Variants in EYS observed in about 807,000 individuals in gnomAD.
EYS encodes the protein protein eyes shut homolog.
EYS carries 250 observed loss-of-function variants against 282.1 expected under a neutral mutation model. That is an observed-to-expected ratio of 0.89 (90% CI 0.80 to 0.98). The LOEUF (loss-of-function observed/expected upper bound fraction) is 0.98, where lower values mean the gene tolerates loss of function less well. Among genes scored for constraint, EYS ranks in the 50% least tolerant of loss-of-function variants. The pLI, the probability that EYS is intolerant of heterozygous loss-of-function variation, is 0.00. For synonymous variants in EYS, 1,355 were observed against 1,282.9 expected (o/e 1.06, Z -1.20); for missense variants, 4,016 against 3,709.0 (o/e 1.08, Z -2.15).
intron 26 of EYS, among the ~76,000 whole-genome samples, chr6:64,537,274 T>C (rs1031194817): frequency 8.0e-5 from 12 of 149,770 alleles, no homozygotes; most frequent in Non-Finnish European, 1.2e-4. Context: ...TTTTTGTTCT[T>C]GTGATAGTTT....
chr6:65,419,711 A>G (rs892452096), intron 5 of EYS, among the ~76,000 whole-genome samples: 5 of 151,976 alleles, frequency 3.3e-5, no homozygotes, highest in African/African-American at 1.2e-4. Context: ...AATATAAAAC[A>G]TTATTAACAT....
At chr6:64,451,587 G>A (rs1267403465) in intron 26 of EYS, among the ~76,000 whole-genome samples, 2 of 152,100 alleles carry the variant, frequency 1.3e-5, no homozygotes, top group Non-Finnish European at 2.9e-5. Context: ...TATCCTTGAC[G>A]AACATTGATG....
intron 26 of EYS, among the ~76,000 whole-genome samples, chr6:64,513,763 G>A (rs539638145): frequency 6.6e-6 from 1 of 151,896 alleles, no homozygotes; most frequent in South Asian, 2.1e-4. Context: ...AAATTTTGGT[G>A]TGCCTGGACT....
At chr6:65,229,689 G>T (rs1221547476) in intron 12 of EYS, among the ~76,000 whole-genome samples, 1 of 151,878 alleles carries the variant, frequency 6.6e-6, no homozygotes, top group Admixed American at 6.6e-5. Flanking sequence ...GAGCTGGGTG[G>T]CAAGTTGCAG....
chr6:64,268,780 G>C (rs1213206450), intron 30 of EYS, among the ~76,000 whole-genome samples: 3 of 152,040 alleles, frequency 2.0e-5, no homozygotes, highest in South Asian at 4.1e-4. Context: ...AGTATGGGAG[G>C]GGGCAGTGTT....
intron 22 of EYS, among the ~76,000 whole-genome samples, chr6:64,661,413 T>C (rs1363496256): frequency 6.6e-6 from 1 of 152,148 alleles, no homozygotes; most frequent in Non-Finnish European, 1.5e-5. Flanking sequence ...AAAAAGCTTC[T>C]GCACAGCAAA....
intron 42 of EYS, among the ~76,000 whole-genome samples, chr6:63,724,558 T>C (rs982658880): frequency 6.6e-6 from 1 of 152,188 alleles, no homozygotes; most frequent in Non-Finnish European, 1.5e-5. Context: ...TAACAAAATG[T>C]TGATAATTTT....
intron 40 of EYS, among the ~76,000 whole-genome samples, chr6:63,771,766 G>A (rs1769930648): frequency 6.6e-6 from 1 of 151,926 alleles, no homozygotes; most frequent in Non-Finnish European, 1.5e-5. Flanking sequence ...TTATTTTCCA[G>A]CTACTTAAAT....
At chr6:65,134,064 A>G (rs1207990213) in intron 12 of EYS, among the ~76,000 whole-genome samples, 2 of 152,156 alleles carry the variant, frequency 1.3e-5, no homozygotes, top group Non-Finnish European at 2.9e-5. Context: ...ATGAGATACC[A>G]TCATATTACA....
At chr6:63,799,303 C>T (rs1342921220) in intron 37 of EYS, among the ~76,000 whole-genome samples, 12 of 151,734 alleles carry the variant, frequency 7.9e-5, no homozygotes, top group Admixed American at 5.3e-4. Context: ...CATGAGCCAC[C>T]GTGCCCGGCT....
chr6:63,733,443 C>CT (rs949745094), intron 41 of EYS, among the ~76,000 whole-genome samples: 1 of 152,060 alleles, frequency 6.6e-6, no homozygotes, highest in African/African-American at 2.4e-5. Flanking sequence ...CCCTCCCTCC[C>CT]TACCCCCTCT....
At chr6:65,457,078 C>T (rs9345637) in intron 5 of EYS, among the ~76,000 whole-genome samples, 28,166 of 152,076 alleles carry the variant, frequency 0.19, 3,256 homozygotes, top group Middle Eastern at 0.3. Flanking sequence ...TGCCATGTGT[C>T]ACTTAAAGAT....
chr6:63,938,137 A>C (rs957966125), intron 35 of EYS, among the ~76,000 whole-genome samples: 2 of 152,228 alleles, frequency 1.3e-5, no homozygotes, highest in African/African-American at 4.8e-5. Context: ...ACAGATGAAG[A>C]TGAGACTTCG....
intron 10 of EYS, among the ~76,000 whole-genome samples, chr6:65,342,198 A>C (rs2150318461): frequency 6.6e-6 from 1 of 150,926 alleles, no homozygotes; most frequent in Admixed American, 6.6e-5. Flanking sequence ...GGACTCATGT[A>C]ATTTTTAAAT....
At chr6:64,704,509 A>AATTATAATATAATACTTATAATT (rs1770917223) in intron 22 of EYS, among the ~76,000 whole-genome samples, 1 of 67,554 alleles carries the variant, frequency 1.5e-5, no homozygotes, top group Admixed American at 1.5e-4. Flanking sequence ...TACTTATAAT[A>AATTATAATATAATACTTATAATT]ATATTATAAT....
chr6:65,317,006 C>T (rs1289029340), intron 11 of EYS, among the ~76,000 whole-genome samples: 2 of 152,016 alleles, frequency 1.3e-5, no homozygotes, highest in African/African-American at 2.4e-5. Flanking sequence ...GTGTGGATTT[C>T]AATTTGAAAA....
At chr6:65,127,907 G>A (rs924098838) in intron 12 of EYS, among the ~76,000 whole-genome samples, 1 of 151,946 alleles carries the variant, frequency 6.6e-6, no homozygotes, top group African/African-American at 2.4e-5. Flanking sequence ...TAAATTGCTT[G>A]TACAATACTT....
At chr6:63,912,694 G>T (rs1764292490) in intron 35 of EYS, among the ~76,000 whole-genome samples, 1 of 152,092 alleles carries the variant, frequency 6.6e-6, no homozygotes, top group African/African-American at 2.4e-5. Context: ...CTCATGAATG[G>T]TTTACCACCA....
chr6:64,561,672 A>T (rs1392779779), intron 26 of EYS, among the ~76,000 whole-genome samples: 1 of 152,004 alleles, frequency 6.6e-6, no homozygotes, highest in East Asian at 1.9e-4. Context: ...GTTCAAATAA[A>T]TCTGAGAAGA....
Sources: gnomAD v4.1 joint callset for allele counts (sites outside exome capture counted in the v4.1 genomes callset) on GRCh38, gnomAD v4.1.1 for gene constraint, MANE v1.5 for transcripts, NCBI Gene and HGNC (gene_info 2026-07-23, HGNC 2026-07-21) for gene names.